LRRTM4: variants seen among roughly 807,000 people sequenced by gnomAD.
LRRTM4 encodes the protein leucine-rich repeat transmembrane neuronal protein 4.
LRRTM4 carries 25 observed loss-of-function variants against 47.6 expected under a neutral mutation model. The observed-to-expected ratio is 0.53, with a 90% CI of 0.38 to 0.73. LRRTM4 has a LOEUF of 0.73. Ranked by LOEUF, LRRTM4 falls within the 30% of genes least tolerant of loss-of-function variation. The pLI is 0.00. For missense variants in LRRTM4, 638 were observed against 713.4 expected (o/e 0.89, Z 1.20); for synonymous variants, 311 against 269.5 (o/e 1.15, Z -1.51).
chr2:77,162,748 C>G (rs890094873), intron 3 of LRRTM4, among the ~76,000 whole-genome samples: 4 of 152,156 alleles, frequency 2.6e-5, no homozygotes, highest in Admixed American at 2.0e-4. Flanking sequence ...AACAGACCTG[C>G]AGGTGAGGGT....
At chr2:77,125,347 T>G (rs1221098649) in intron 3 of LRRTM4, among the ~76,000 whole-genome samples, 6 of 152,200 alleles carry the variant, frequency 3.9e-5, no homozygotes. Flanking sequence ...CTAGAAAGGT[T>G]TCCATCACAG....
intron 3 of LRRTM4, among the ~76,000 whole-genome samples, chr2:77,421,661 C>T (rs1674894622): frequency 6.6e-6 from 1 of 150,798 alleles, no homozygotes; most frequent in Non-Finnish European, 1.5e-5. Flanking sequence ...GAGCCGAGAT[C>T]ACACCACTGC....
intron 3 of LRRTM4, among the ~76,000 whole-genome samples, chr2:77,095,773 A>T (rs1275055867): frequency 6.6e-6 from 1 of 152,124 alleles, no homozygotes; most frequent in Non-Finnish European, 1.5e-5. Flanking sequence ...TTGGCCTCCC[A>T]AAGTGCTGGG....
At chr2:77,456,470 C>A (rs1208936133) in intron 3 of LRRTM4, among the ~76,000 whole-genome samples, 1 of 152,172 alleles carries the variant, frequency 6.6e-6, no homozygotes, top group Non-Finnish European at 1.5e-5. Flanking sequence ...GAAATAGTTT[C>A]TATTCCTTTT....
rs1173844753 is a variant in LRRTM4 at position 77,004,592 on chromosome 2, G to A, written c.1552-255676C>T. On this transcript the variant is annotated intron_variant, in intron 3 of 3. Coordinates refer to ENST00000409884, the MANE Select transcript of LRRTM4 (RefSeq NM_001134745.3). ...TGCTAGAGCAGTGCAGAGGAGAAAT[G>A]TAGGGTCGGAGCCCCCACACAGAGT... Among the ~76,000 whole-genome samples the A allele has an allele frequency of 2.6e-5, 4 of 152,162 alleles. No homozygotes were observed. The East Asian group carries it at 7.7e-4, about 29-fold the overall frequency.
intron 3 of LRRTM4, among the ~76,000 whole-genome samples, chr2:77,238,565 A>G (rs1675174018): frequency 6.6e-6 from 1 of 152,112 alleles, no homozygotes; most frequent in Non-Finnish European, 1.5e-5. Flanking sequence ...ACAAGCAAGA[A>G]GAGTCTGCCA....
At chr2:77,100,843 ATTCT>A (rs1190441279) in intron 3 of LRRTM4, among the ~76,000 whole-genome samples, 7 of 141,792 alleles carry the variant, frequency 4.9e-5, no homozygotes, top group Non-Finnish European at 7.6e-5. Flanking sequence ...AGTAGCTCTG[ATTCT>A]TTTTTTTTTT....
intron 3 of LRRTM4, among the ~76,000 whole-genome samples, chr2:76,826,405 G>C (rs66884914): frequency 0.26 from 38,789 of 151,282 alleles, 5,424 homozygotes; most frequent in East Asian, 0.41. Context: ...ATATGATCTA[G>C]TTTTGCATAA....
chr2:77,224,205 T>C (rs1259677684), intron 3 of LRRTM4, among the ~76,000 whole-genome samples: 1 of 151,490 alleles, frequency 6.6e-6, no homozygotes, highest in Non-Finnish European at 1.5e-5. Flanking sequence ...ATACAAAAAT[T>C]AATTCAAGAT....
chr2:76,893,456 ATAAC>A (rs1171656656), intron 3 of LRRTM4, among the ~76,000 whole-genome samples: 7 of 151,866 alleles, frequency 4.6e-5, no homozygotes, highest in Admixed American at 1.3e-4. Flanking sequence ...ATAATAAATA[ATAAC>A]TAACAACCAA....
chr2:77,405,397 C>T (rs1269723760), intron 3 of LRRTM4, among the ~76,000 whole-genome samples: 7 of 152,078 alleles, frequency 4.6e-5, no homozygotes, highest in Admixed American at 4.6e-4. Flanking sequence ...CATCCTAACC[C>T]TTTAAAACCT....
chr2:76,950,558 A>G (rs1675461954), intron 3 of LRRTM4, among the ~76,000 whole-genome samples: 1 of 152,018 alleles, frequency 6.6e-6, no homozygotes, highest in Non-Finnish European at 1.5e-5. Flanking sequence ...CTGGTTAATC[A>G]AAATGAATAC....
intron 3 of LRRTM4, among the ~76,000 whole-genome samples, chr2:77,402,368 C>T (rs1489411730): frequency 2.0e-5 from 3 of 151,914 alleles, no homozygotes; most frequent in Non-Finnish European, 4.4e-5. Flanking sequence ...AGGTTGGTCT[C>T]AAACTGCTGG....
At chr2:77,075,142 G>A (rs1680290143) in intron 3 of LRRTM4, among the ~76,000 whole-genome samples, 1 of 152,070 alleles carries the variant, frequency 6.6e-6, no homozygotes, top group South Asian at 2.1e-4. Flanking sequence ...AGCTGTTTCT[G>A]CTAATACCTG....
chr2:77,283,807 A>G (rs1267585968), intron 3 of LRRTM4, among the ~76,000 whole-genome samples: 1 of 151,926 alleles, frequency 6.6e-6, no homozygotes, highest in Non-Finnish European at 1.5e-5. Flanking sequence ...AACAATAAAA[A>G]CTGGGGATTA....
rs536706899 is a variant in LRRTM4 at position 77,136,159 on chromosome 2, G to T, written c.1551+382159C>A. Among the ~76,000 whole-genome samples, 1,311 of 152,230 alleles carry T rather than the reference G, an allele frequency of 8.6e-3. 20 individuals are homozygous for T. The highest frequency in any genetic ancestry group is 0.03 in the African/African-American group (1,254 of 41,548). ...TCTCCCAGCATGGAGTTTGAGATCTGAGAATGGACAGACTGCCTCCTCAAG... is the reference window on the plus strand; with the variant it reads ...TCTCCCAGCATGGAGTTTGAGATCTTAGAATGGACAGACTGCCTCCTCAAG... On this transcript the variant is annotated intron_variant, in intron 3 of 3. Transcript: ENST00000409884.
intron 3 of LRRTM4, among the ~76,000 whole-genome samples, chr2:77,347,842 C>T (rs1317674128): frequency 6.6e-6 from 1 of 151,928 alleles, no homozygotes; most frequent in South Asian, 2.1e-4. Flanking sequence ...AATAATATGG[C>T]ACATATATAT....
intron 3 of LRRTM4, among the ~76,000 whole-genome samples, chr2:77,222,532 CCAATCCCACAGAACTA>C (rs1674667907): frequency 6.6e-6 from 1 of 152,076 alleles, no homozygotes; most frequent in African/African-American, 2.4e-5. Flanking sequence ...GATATCACCG[CCAATCCCACAGAACTA>C]CAAACTATCA....
intron 3 of LRRTM4, among the ~76,000 whole-genome samples, chr2:77,004,533 G>A (rs1677561856): frequency 6.6e-6 from 1 of 152,186 alleles, no homozygotes; most frequent in East Asian, 1.9e-4. Flanking sequence ...AGGCAGAAGT[G>A]TGCTACAGTG....
Sources: allele counts gnomAD v4.1 joint callset (sites outside exome capture counted in the v4.1 genomes callset), GRCh38; gene constraint gnomAD v4.1.1; transcripts MANE v1.5; gene names NCBI Gene and HGNC (gene_info 2026-07-23, HGNC 2026-07-21).